The following FAF1 variants were observed in gnomAD, a reference collection of about 807,000 sequenced individuals.
FAF1 encodes FAS-associated factor 1.
FAF1 carries 25 observed loss-of-function variants against 92.5 expected under a neutral mutation model. The ratio of observed to expected loss-of-function variants is 0.27; its 90% CI spans 0.20 to 0.38. FAF1 has a LOEUF of 0.38. FAF1 is among the 10% of genes least tolerant of loss of function. FAF1 has a pLI of 1.00. For missense variants in FAF1, 636 were observed against 793.3 expected (o/e 0.80, Z 2.38); for synonymous variants, 234 against 273.2 (o/e 0.86, Z 1.42).
chr1:50,839,064 G>A (rs1307313379), intron 2 of FAF1, among the ~76,000 whole-genome samples: 4 of 151,898 alleles, frequency 2.6e-5, no homozygotes, highest in African/African-American at 9.7e-5. Context: ...AGAGCACAAA[G>A]AATTCTACTG....
intron 7 of FAF1, among the ~76,000 whole-genome samples, chr1:50,671,967 A>G (rs549789371): frequency 6.7e-6 from 1 of 149,360 alleles, no homozygotes; most frequent in South Asian, 2.1e-4. Flanking sequence ...CCTAATTTTT[A>G]CATATTTTTT....
chr1:50,459,838 C>T (rs1000681644), intron 18 of FAF1, among the ~76,000 whole-genome samples: 6 of 152,214 alleles, frequency 3.9e-5, no homozygotes, highest in African/African-American at 1.4e-4. Flanking sequence ...TGCTCTGCAA[C>T]TTAGCTAGGT....
intron 2 of FAF1, among the ~76,000 whole-genome samples, chr1:50,849,159 C>T (rs976039004): frequency 2.0e-5 from 3 of 151,504 alleles, no homozygotes; most frequent in African/African-American, 7.3e-5. Context: ...CCCAGCTACT[C>T]AGGAGGCTGA....
chr1:50,837,019 G>A (rs984447579), intron 2 of FAF1, among the ~76,000 whole-genome samples: 4 of 135,386 alleles, frequency 3.0e-5, no homozygotes, highest in Non-Finnish European at 6.1e-5. Context: ...GTGCAGTGGT[G>A]TGATCTCGGC....
At chr1:50,949,312 C>A (rs1455560382) in intron 1 of FAF1, among the ~76,000 whole-genome samples, 4 of 152,238 alleles carry the variant, frequency 2.6e-5, no homozygotes, top group Non-Finnish European at 5.9e-5. Flanking sequence ...TAGTTTAAAT[C>A]AGGATTCTCC....
chr1:50,496,249 C>A (rs1185486725), intron 15 of FAF1, among the ~76,000 whole-genome samples: 1 of 152,058 alleles, frequency 6.6e-6, no homozygotes, highest in Admixed American at 6.6e-5. Context: ...GAATGAATAC[C>A]CTGCTCCTTG....
Position 50,484,195 on chromosome 1 carries a change from C to A in FAF1, c.1653+6393G>T, listed in dbSNP as rs1401775520. Among the ~76,000 whole-genome samples the A allele has an allele frequency of 2.0e-5, 3 of 152,284 alleles. No homozygotes were observed. In the East Asian group the frequency reaches 5.8e-4, roughly 29 times the overall value. On this transcript the variant is annotated intron_variant, in intron 17 of 18. Transcript: ENST00000396153. Reference sequence around the variant, plus strand: ...TTCTGCAGTCAATCTCTATTCCTGGCAACCTGGAGAGTATGGATAGCTTAC... The same window carrying A: ...TTCTGCAGTCAATCTCTATTCCTGGAAACCTGGAGAGTATGGATAGCTTAC...
intron 15 of FAF1, among the ~76,000 whole-genome samples, chr1:50,494,714 G>C (rs1257996175): frequency 6.6e-6 from 1 of 152,156 alleles, no homozygotes; most frequent in Non-Finnish European, 1.5e-5. Context: ...TACACTCCCA[G>C]GGGTAAAAGA....
chr1:50,452,285 A>G (rs1476650622), intron 18 of FAF1: 3 of 530,764 alleles, frequency 5.7e-6, no homozygotes, highest in South Asian at 1.9e-5. Flanking sequence ...AACTGGACAC[A>G]GGCAAATTCA....
chr1:50,458,994 C>CA (rs1183841298), intron 18 of FAF1, among the ~76,000 whole-genome samples: 1 of 146,802 alleles, frequency 6.8e-6, no homozygotes, highest in African/African-American at 2.5e-5. Flanking sequence ...TTTTTTGAGA[C>CA]AGAGTCTTGT....
chr1:50,765,107 C>T (rs1371360381), intron 4 of FAF1, among the ~76,000 whole-genome samples: 1 of 152,072 alleles, frequency 6.6e-6, no homozygotes, highest in East Asian at 1.9e-4. Flanking sequence ...TTTTCCAGGG[C>T]ATAGTGACAA....
chr1:50,549,760 G>C (rs1376995290), intron 13 of FAF1, among the ~76,000 whole-genome samples: 2 of 151,948 alleles, frequency 1.3e-5, no homozygotes, highest in African/African-American at 4.8e-5. Flanking sequence ...AGGTGACACA[G>C]AGAGACTCCA....
chr1:50,899,086 T>C (rs774841810), intron 1 of FAF1, among the ~76,000 whole-genome samples: 3 of 152,094 alleles, frequency 2.0e-5, no homozygotes, highest in Non-Finnish European at 4.4e-5. Flanking sequence ...TCTCTGGAAT[T>C]CACTAGTATA....
chr1:50,641,602 T>C (rs2124247352), intron 8 of FAF1, among the ~76,000 whole-genome samples: 1 of 152,322 alleles, frequency 6.6e-6, no homozygotes, highest in South Asian at 2.1e-4. Context: ...TGGTCCAGGT[T>C]ATAGTCTATT....
intron 8 of FAF1, among the ~76,000 whole-genome samples, chr1:50,596,764 G>A (rs1381678097): frequency 1.3e-5 from 2 of 152,008 alleles, no homozygotes; most frequent in East Asian, 3.8e-4. Context: ...ACACTGTTTC[G>A]ACAGATTAGC....
chr1:50,702,994 C>T (rs995697612), intron 7 of FAF1, among the ~76,000 whole-genome samples: 33 of 151,442 alleles, frequency 2.2e-4, no homozygotes, highest in African/African-American at 5.3e-4. Flanking sequence ...AAATGCAAGG[C>T]TTTCAAAAAT....
intron 13 of FAF1, among the ~76,000 whole-genome samples, chr1:50,542,932 A>G (rs1557988217): frequency 6.6e-6 from 1 of 152,322 alleles, no homozygotes; most frequent in East Asian, 1.9e-4. Context: ...GTGAAATGAA[A>G]TAGTTAATCA....
intron 15 of FAF1, among the ~76,000 whole-genome samples, chr1:50,504,615 C>T (rs551004874): frequency 1.3e-5 from 2 of 152,232 alleles, no homozygotes; most frequent in Admixed American, 1.3e-4. Flanking sequence ...AGATGAAAGA[C>T]AAGTACCCAA....
intron 1 of FAF1, among the ~76,000 whole-genome samples, chr1:50,952,744 T>C (rs1175925616): frequency 1.4e-5 from 2 of 145,382 alleles, no homozygotes; most frequent in Non-Finnish European, 3.0e-5. Context: ...CTGAGGAGCG[T>C]CTCTGCCCGA....
Sources: gnomAD v4.1 joint callset for allele counts (sites outside exome capture counted in the v4.1 genomes callset) on GRCh38, gnomAD v4.1.1 for gene constraint, MANE v1.5 for transcripts, NCBI Gene and HGNC (gene_info 2026-07-23, HGNC 2026-07-21) for gene names.